RYR2: variants seen among roughly 807,000 people sequenced by gnomAD.
The protein encoded by RYR2 is ryanodine receptor 2.
Under a neutral mutation model 601.1 loss-of-function variants are expected in RYR2, and 227 were observed. That is an observed-to-expected ratio of 0.38 (90% confidence interval 0.34 to 0.42). The LOEUF is 0.42. RYR2 is among the 10% of genes least tolerant of loss of function. RYR2 has a pLI of 1.00. For missense variants in RYR2, 4,646 were observed against 6,156.5 expected, an observed-to-expected ratio of 0.75 and a Z score of 8.21; for synonymous variants, 2,223 against 2,175.1, an observed-to-expected ratio of 1.02 and a Z score of -0.61.
intron 2 of RYR2, among the ~76,000 whole-genome samples, chr1:237,306,671 G>A (rs1233728669): frequency 6.6e-6 from 1 of 152,106 alleles, no homozygotes; most frequent in African/African-American, 2.4e-5. Context: ...CATGATTTAA[G>A]TTGTCTTTGT....
intron 17 of RYR2, among the ~76,000 whole-genome samples, chr1:237,488,203 C>T (rs559677878): frequency 3.9e-5 from 6 of 152,072 alleles, no homozygotes; most frequent in Non-Finnish European, 7.4e-5. Context: ...TTGTATTCCA[C>T]GATTGGCAAT....
rs1419281241 is a variant in RYR2, at chr1:237,180,614, A to ATGTATATG, written c.49-89876_49-89875insGTGTATAT. 3.9e-3 allele frequency among the ~76,000 whole-genome samples: 168 copies of ATGTATATG among 43,178 alleles called. No homozygotes were observed. The highest frequency in any genetic ancestry group is 0.015 in the African/African-American group (154 of 10,462). The allele number at this position is 43,178 out of a possible 152,430, so 28.3% of individuals were successfully genotyped here. A position where few individuals can be genotyped will look rare whatever the true frequency, so the allele number is the denominator to read the frequency against. Reference sequence around the variant, plus strand: ...TATATATAAGTATATATATGTATATATGTATATATGTATATGTGTATATAT... The same window carrying ATGTATATG: ...TATATATAAGTATATATATGTATATATGTATATGTGTATATATGTATATGTGTATATAT... On this transcript the variant is annotated intron_variant, in intron 1 of 104. Coordinates refer to ENST00000366574, the MANE Select transcript of RYR2 (RefSeq NM_001035.3). The surrounding 1 kb of genome is among the most constrained non-coding windows in gnomAD (Gnocchi z 5.3).
intron 10 of RYR2, among the ~76,000 whole-genome samples, chr1:237,408,872 G>T (rs1319007761): frequency 6.6e-6 from 1 of 151,918 alleles, no homozygotes; most frequent in East Asian, 1.9e-4. Flanking sequence ...TTTTGTAGTT[G>T]TCTTTATTTA....
chr1:237,491,745 C>T, intron 17 of RYR2, 61 bp from the exon 18 acceptor site: 1 of 777,078 alleles, frequency 1.3e-6, no homozygotes, highest in African/African-American at 1.7e-5. Context: ...AAGGAAGACA[C>T]TGGTCATTGT....
At chr1:237,278,655 C>T (rs1012539338) in intron 2 of RYR2, among the ~76,000 whole-genome samples, 2 of 152,048 alleles carry the variant, frequency 1.3e-5, no homozygotes, top group African/African-American at 4.8e-5. Context: ...TACTCATGGG[C>T]AGACCTTTTT....
At chr1:237,277,136 T>G (rs1454324163) in intron 2 of RYR2, among the ~76,000 whole-genome samples, 1 of 152,216 alleles carries the variant, frequency 6.6e-6, no homozygotes. Flanking sequence ...AATATAATTC[T>G]TCATATTAGG....
chr1:237,732,931 C>T (rs910785690), intron 78 of RYR2, among the ~76,000 whole-genome samples: 4 of 152,178 alleles, frequency 2.6e-5, no homozygotes, highest in Admixed American at 2.6e-4. Context: ...TGAATCTCCT[C>T]AGAAGAGTTC....
intron 16 of RYR2, among the ~76,000 whole-genome samples, chr1:237,467,617 C>CA (rs1660227295): frequency 6.6e-6 from 1 of 152,116 alleles, no homozygotes; most frequent in African/African-American, 2.4e-5. Context: ...GCGCTATACA[C>CA]AAAAAAGCTC....
intron 29 of RYR2, among the ~76,000 whole-genome samples, chr1:237,574,378 C>T (rs2618676): frequency 0.94 from 142,573 of 152,286 alleles, 67,426 homozygotes; most frequent in East Asian, 1. Context: ...GACAGAATCC[C>T]AAGATTGCTT....
Position 237,814,965 on chromosome 1 carries a change from C to CTTTTTTTTT in RYR2, c.14434-4060_14434-4052dup, listed in dbSNP as rs11314213. On this transcript the variant is annotated intron_variant, in intron 100 of 104. Transcript: ENST00000366574. The stretch of plus-strand genomic sequence containing the variant: ...ATAATCTGCTCCTTTTTTCTTTTTT[C>CTTTTTTTTT]TTTTTTTTTTTTTTTTTTTGCCAAG... 2.3e-4 allele frequency among the ~76,000 whole-genome samples: 22 copies of CTTTTTTTTT among 93,912 alleles called. 1 individual carries two copies. Among genetic ancestry groups the CTTTTTTTTT allele is most frequent in the East Asian group, 9.6e-4 (2 of 2,090 alleles). 61.6% of individuals were successfully genotyped at this position (93,912 alleles called of 152,430 possible).
chr1:237,540,674 T>A (rs1247936698), intron 25 of RYR2, among the ~76,000 whole-genome samples: 3 of 150,086 alleles, frequency 2.0e-5, no homozygotes, highest in Non-Finnish European at 4.4e-5. Context: ...ATCATTGTAA[T>A]CCAGCCTGGA....
intron 2 of RYR2, among the ~76,000 whole-genome samples, chr1:237,309,650 G>T (rs1694307993): frequency 6.6e-6 from 1 of 152,232 alleles, no homozygotes; most frequent in Non-Finnish European, 1.5e-5. Context: ...CCCTTGGGCG[G>T]TCGATGGGAC....
chr1:237,324,134 T>C (rs1695916274), intron 2 of RYR2, among the ~76,000 whole-genome samples: 1 of 152,172 alleles, frequency 6.6e-6, no homozygotes, highest in Non-Finnish European at 1.5e-5. Context: ...TGAACTAAGA[T>C]TTTTCTTAGA....
At chr1:237,135,004 T>C (rs1426650202) in intron 1 of RYR2, among the ~76,000 whole-genome samples, 1 of 152,214 alleles carries the variant, frequency 6.6e-6, no homozygotes, top group Non-Finnish European at 1.5e-5. Flanking sequence ...ACCATGCTGA[T>C]AACTCGAAAA....
At chr1:237,690,507 A>C (rs1389462863) in intron 63 of RYR2, among the ~76,000 whole-genome samples, 1 of 152,178 alleles carries the variant, frequency 6.6e-6, no homozygotes, top group Non-Finnish European at 1.5e-5. Context: ...AACTTATCTA[A>C]AGCTTATTAT....
At chr1:237,645,035 A>G (rs1044545421) in intron 48 of RYR2, among the ~76,000 whole-genome samples, 3 of 152,198 alleles carry the variant, frequency 2.0e-5, no homozygotes, top group African/African-American at 7.2e-5. Context: ...ACTCTGTCTC[A>G]AACAAACAAA....
chr1:237,350,073 C>T (rs1698628029), intron 3 of RYR2, among the ~76,000 whole-genome samples: 2 of 151,814 alleles, frequency 1.3e-5, no homozygotes, highest in Admixed American at 6.6e-5. Flanking sequence ...TAAATATAAA[C>T]TCATATTTTA....
At chr1:237,047,044 C>T (rs1007165068) in intron 1 of RYR2, among the ~76,000 whole-genome samples, 2 of 152,154 alleles carry the variant, frequency 1.3e-5, no homozygotes, top group Non-Finnish European at 2.9e-5. Flanking sequence ...CACCCCATGC[C>T]TCTCTGATAT....
intron 17 of RYR2, among the ~76,000 whole-genome samples, chr1:237,489,884 C>G (rs185995921): frequency 3.9e-5 from 6 of 152,310 alleles, no homozygotes; most frequent in Admixed American, 3.9e-4. Flanking sequence ...TGTCATCAAT[C>G]TAGGTACCCA....
Sources: gnomAD v4.1 joint callset for allele counts (sites outside exome capture counted in the v4.1 genomes callset) on GRCh38, gnomAD v4.1.1 for gene constraint, Gnocchi (gnomAD v3.1) non-coding constraint, MANE v1.5 for transcripts, NCBI Gene and HGNC (gene_info 2026-07-23, HGNC 2026-07-21) for gene names.